The following MYCBP2 variants were observed in gnomAD, a reference collection of about 807,000 sequenced individuals.
MYCBP2 encodes the protein E3 ubiquitin-protein ligase MYCBP2.
In MYCBP2, 120 loss-of-function variants were observed where a neutral mutation model predicts 525.3. That is an observed-to-expected ratio of 0.23 (90% CI 0.20 to 0.27). The LOEUF (loss-of-function observed/expected upper bound fraction) is 0.27. Among genes scored for constraint, MYCBP2 ranks in the 10% least tolerant of loss-of-function variants. MYCBP2 has a pLI of 1.00. For synonymous variants in MYCBP2, 1,894 were observed against 1,955.8 expected (o/e 0.97, Z 0.83); for missense variants, 4,149 against 5,657.1 (o/e 0.73, Z 8.55).
At chr13:77,151,526 A>G (rs1335262247) in intron 46 of MYCBP2, among the ~76,000 whole-genome samples, 3 of 152,226 alleles carry the variant, frequency 2.0e-5, no homozygotes, top group Admixed American at 6.5e-5. Context: ...TGATTTAAGC[A>G]ATCTATTAAA....
At chr13:77,051,219 C>T (rs2036732820) in intron 81 of MYCBP2, 57 bp from the exon 82 acceptor site, 6 of 1,486,316 alleles carry the variant, frequency 4.0e-6, no homozygotes, top group Non-Finnish European at 5.5e-6. Flanking sequence ...TTCAATCACA[C>T]TTAAGATAGG....
rs767383987 is a variant in MYCBP2 at position 77,081,802 on chromosome 13, A to ATACATC, written c.11193+34_11193+35insGATGTA. 2.5e-6 allele frequency: 4 copies of ATACATC among 1,591,140 alleles called. No individual in the cohort carries two copies. In the East Asian group the frequency reaches 6.7e-5, roughly 27 times the overall value. ...TTCTCCTTTGATGTATTATTAACTA[A>ATACATC]CAGGACAACCAGGATAATAACTGAA... On this transcript the variant is annotated intron_variant, in intron 64 of 82. Transcript: ENST00000544440. This position sits in a 1 kb window ranked among gnomAD's most constrained non-coding sequence, Gnocchi z 4.6.
chr13:77,248,191 T>C (rs2070417373), intron 15 of MYCBP2, among the ~76,000 whole-genome samples: 1 of 146,610 alleles, frequency 6.8e-6, no homozygotes, highest in African/African-American at 2.5e-5. Context: ...TTCACAACAC[T>C]AGATTGGGAA....
chr13:77,287,966 A>T (rs2077060912), intron 3 of MYCBP2, among the ~76,000 whole-genome samples, 195 bp downstream of exon 3: 2 of 152,128 alleles, frequency 1.3e-5, no homozygotes, highest in Admixed American at 1.3e-4. Context: ...TCAATTATTG[A>T]CTTTGTTAGC....
chr13:77,212,799 G>C (rs766737363), intron 21 of MYCBP2, among the ~76,000 whole-genome samples: 20 of 152,146 alleles, frequency 1.3e-4, no homozygotes, highest in Non-Finnish European at 2.6e-4. Context: ...GGTCAGGTAA[G>C]AGTTTAATTT....
intron 46 of MYCBP2, among the ~76,000 whole-genome samples, chr13:77,152,626 A>G (rs1008379544): frequency 3.3e-5 from 5 of 152,196 alleles, no homozygotes; most frequent in Admixed American, 3.3e-4. Context: ...GCAGCAACTG[A>G]TGAGACGCGC....
In MYCBP2 at chr13:77,193,780, C is replaced by T. The variant is rs112792584; in HGVS notation, c.3935+373G>A. Reference sequence around the variant, plus strand: ...AATCTGAATTATGGTCAAACATGACCACTTGACGCTAATTATTTATTACCT... The same window carrying T: ...AATCTGAATTATGGTCAAACATGACTACTTGACGCTAATTATTTATTACCT... On this transcript the variant is annotated intron_variant, in intron 27 of 82. Coordinates refer to ENST00000544440, the MANE Select transcript of MYCBP2 (RefSeq NM_015057.5). 8.1e-3 allele frequency among the ~76,000 whole-genome samples: 1,226 copies of T among 152,078 alleles called. 19 individuals carry two copies. Among genetic ancestry groups the T allele is most frequent in the African/African-American group, 0.027 (1,107 of 41,498 alleles).
chr13:77,113,504 T>C (rs766851231), intron 55 of MYCBP2, among the ~76,000 whole-genome samples: 1 of 151,988 alleles, frequency 6.6e-6, no homozygotes, highest in Non-Finnish European at 1.5e-5. Context: ...AATGAATAAG[T>C]CATCTAAAGA....
intron 32 of MYCBP2, among the ~76,000 whole-genome samples, chr13:77,183,680 T>C (rs1047035800): frequency 4.0e-5 from 6 of 149,310 alleles, no homozygotes; most frequent in African/African-American, 1.5e-4. Context: ...GCCTCCCGAG[T>C]AGCTGAGATT....
At chr13:77,142,442 T>A (rs1025409872) in intron 49 of MYCBP2, among the ~76,000 whole-genome samples, 9 of 152,232 alleles carry the variant, frequency 5.9e-5, no homozygotes, top group Non-Finnish European at 1.3e-4. Flanking sequence ...TATCTGAGTC[T>A]ATATAGTTAC....
chr13:77,150,716 A>C lies in MYCBP2; in HGVS notation c.7131+18T>G, dbSNP rs376535637. The C allele has an allele frequency of 6.3e-7, 1 of 1,598,888 alleles. No individual in the cohort carries two copies. On this transcript the variant is annotated intron_variant, in intron 47 of 82. Coordinates refer to ENST00000544440, the MANE Select transcript of MYCBP2 (RefSeq NM_015057.5). ...AATGCTGAAAACTAAAATTTTTCTG[A>C]TAAGTAAAATAAATTACCTTCATCA...
chr13:77,261,806 C>T (rs944178502), intron 11 of MYCBP2, among the ~76,000 whole-genome samples: 3 of 151,896 alleles, frequency 2.0e-5, no homozygotes, highest in South Asian at 2.1e-4. Context: ...TCAGGGTTGT[C>T]ACAAACCTTC....
chr13:77,224,762 T>G (rs78946390), intron 19 of MYCBP2, among the ~76,000 whole-genome samples: 2,339 of 152,288 alleles, frequency 0.015, 43 homozygotes, highest in African/African-American at 0.053. Flanking sequence ...TAAAAATTCG[T>G]ATAAATGCCA....
Position 77,120,310 on chromosome 13 carries a change from G to A in MYCBP2, c.8140+1063C>T, listed in dbSNP as rs78866616. Among the ~76,000 whole-genome samples, 1,393 of 152,210 alleles carry A rather than the reference G, an allele frequency of 9.2e-3. 22 individuals are homozygous for A. The highest frequency in any genetic ancestry group is 0.031 in the African/African-American group (1,300 of 41,520). On this transcript the variant is annotated intron_variant, in intron 55 of 82. Transcript: ENST00000544440. ...GCGAGCAGATGATACCCAATCCTAT[G>A]AGATAGGCTAGTCCAAGGGAGTAAA...
intron 23 of MYCBP2, among the ~76,000 whole-genome samples, chr13:77,210,255 C>T (rs1222644945): frequency 2.0e-5 from 3 of 146,994 alleles, no homozygotes; most frequent in East Asian, 2.0e-4. Flanking sequence ...TGCAGTGGTG[C>T]GATCTCGGCT....
chr13:77,303,941 G>A (rs544490159), intron 1 of MYCBP2, among the ~76,000 whole-genome samples: 1 of 152,252 alleles, frequency 6.6e-6, no homozygotes, highest in East Asian at 1.9e-4. Flanking sequence ...CCAAAAATTG[G>A]TTCTCTGAAA....
chr13:77,269,612 C>T (rs1048541538), intron 7 of MYCBP2, among the ~76,000 whole-genome samples: 4 of 151,692 alleles, frequency 2.6e-5, no homozygotes, highest in African/African-American at 4.8e-5. Flanking sequence ...GGTGACACAG[C>T]GAGATTCTGT....
Position 77,098,427 on chromosome 13 carries a change from T to C in MYCBP2, c.8727A>G (p.Thr2909=). ...CTCTATTTTCAGATCCAGGGGAATCTGTAGAATCCTTTGGTACTGATTTTG... is the reference window on the plus strand; with the variant it reads ...CTCTATTTTCAGATCCAGGGGAATCCGTAGAATCCTTTGGTACTGATTTTG... ...PKPKSVPKDS[T]DSPGSENRAP... The change falls in exon 56 of 83, where the codon ACA becomes ACG. Residue 2909 remains threonine (T), a synonymous_variant. Transcript: ENST00000544440. The C allele has an allele frequency of 6.2e-7, 1 of 1,613,746 alleles. No homozygotes were observed. Among genetic ancestry groups the C allele is most frequent in the Non-Finnish European group, 8.5e-7 (1 of 1,179,818 alleles).
At chr13:77,235,022 T>C (rs1185493573) in intron 17 of MYCBP2, among the ~76,000 whole-genome samples, 1 of 152,042 alleles carries the variant, frequency 6.6e-6, no homozygotes, top group Non-Finnish European at 1.5e-5. Flanking sequence ...GCAATTGGGC[T>C]CGAAAATACT....
Sources: gnomAD v4.1 joint callset for allele counts (sites outside exome capture counted in the v4.1 genomes callset) on GRCh38, gnomAD v4.1.1 for gene constraint, Gnocchi (gnomAD v3.1) non-coding constraint, MANE v1.5 for transcripts, NCBI Gene and HGNC (gene_info 2026-07-23, HGNC 2026-07-21) for gene names.